The following GRM5 variants were observed in gnomAD, a reference collection of about 807,000 sequenced individuals.
GRM5 encodes metabotropic glutamate receptor 5.
GRM5 carries 19 observed loss-of-function variants against 83.1 expected under a neutral mutation model. That is an observed-to-expected ratio of 0.23 (90% CI 0.16 to 0.34). GRM5 has a LOEUF of 0.34. GRM5 is among the 10% of genes least tolerant of loss of function. GRM5 has a pLI of 1.00. For missense variants in GRM5, 1,160 were observed against 1,588.3 expected, an observed-to-expected ratio of 0.73 and a Z score of 4.58; for synonymous variants, 675 against 633.6, an observed-to-expected ratio of 1.07 and a Z score of -0.98.
chr11:88,924,161 T>C (rs657318), intron 2 of GRM5, among the ~76,000 whole-genome samples: 1 of 151,198 alleles, frequency 6.6e-6, no homozygotes. Context: ...AAATAATCAT[T>C]GTTAGCCAGG....
chr11:88,794,418 G>C (rs899607412), intron 3 of GRM5, among the ~76,000 whole-genome samples: 7 of 152,158 alleles, frequency 4.6e-5, no homozygotes, highest in African/African-American at 1.7e-4. Context: ...GCAGATCTGT[G>C]AGAGTGTAGT....
chr11:88,545,339 T>G (rs112657925), intron 8 of GRM5, among the ~76,000 whole-genome samples: 2 of 152,166 alleles, frequency 1.3e-5, no homozygotes, highest in Non-Finnish European at 2.9e-5. Flanking sequence ...TTAGAAATTT[T>G]AAATTTAATA....
chr11:88,608,453 A>G (rs1938220429), intron 4 of GRM5, among the ~76,000 whole-genome samples: 1 of 150,792 alleles, frequency 6.6e-6, no homozygotes, highest in South Asian at 2.1e-4. Context: ...TTATCTTATT[A>G]TCTTGCTTAT....
chr11:88,709,104 T>TC lies in GRM5; in HGVS notation c.912-55702dup, dbSNP rs1480896788. On this transcript the variant is annotated intron_variant, in intron 3 of 9. Coordinates refer to ENST00000305447, the MANE Select transcript of GRM5 (RefSeq NM_001143831.3). ...TGGTAAGTACTATTTTGGAGAGAAG[T>TC]CCCTGGACTTCTGGTGCTCTTGGCA... Among the ~76,000 whole-genome samples the TC allele has an allele frequency of 2.6e-5, 4 of 152,092 alleles. No homozygotes were observed. The East Asian group carries it at 7.8e-4, about 30-fold the overall frequency.
chr11:88,699,905 T>C (rs1240251080), intron 3 of GRM5, among the ~76,000 whole-genome samples: 3 of 152,158 alleles, frequency 2.0e-5, no homozygotes. Context: ...AATGAGCAAG[T>C]TCTGTGTATG....
At chr11:89,062,863 G>A (rs116815184) in intron 1 of GRM5, among the ~76,000 whole-genome samples, 4,571 of 152,314 alleles carry the variant, frequency 0.03, 220 homozygotes, top group African/African-American at 0.1. Flanking sequence ...CTGTAGCCTG[G>A]GCTTCCTCCT....
intron 4 of GRM5, among the ~76,000 whole-genome samples, chr11:88,644,068 A>C (rs1939373482): frequency 6.6e-6 from 1 of 152,204 alleles, no homozygotes; most frequent in African/African-American, 2.4e-5. Flanking sequence ...CATTCTACAA[A>C]TATTATTTGT....
At chr11:89,019,807 C>T (rs1184423704) in intron 2 of GRM5, among the ~76,000 whole-genome samples, 8 of 152,164 alleles carry the variant, frequency 5.3e-5, no homozygotes. Context: ...AAAGTTTCTG[C>T]TATAAAACAG....
chr11:88,928,907 T>TATATATATACACAC (rs369951090), intron 2 of GRM5, among the ~76,000 whole-genome samples: 447 of 138,756 alleles, frequency 3.2e-3, no homozygotes, highest in African/African-American at 7.6e-3. Flanking sequence ...TATGTGTATA[T>TATATATATACACAC]ACACACACAC....
intron 3 of GRM5, among the ~76,000 whole-genome samples, chr11:88,830,120 T>TA (rs1316380657): frequency 6.6e-6 from 1 of 150,758 alleles, no homozygotes; most frequent in Non-Finnish European, 1.5e-5. Flanking sequence ...AATGGAAAAA[T>TA]AAAAAATATA....
chr11:88,610,932 A>T (rs1193084592), intron 4 of GRM5, among the ~76,000 whole-genome samples: 1 of 152,016 alleles, frequency 6.6e-6, no homozygotes, highest in African/African-American at 2.4e-5. Context: ...ACATGAAGGG[A>T]TATTGAATTT....
intron 9 of GRM5, among the ~76,000 whole-genome samples, chr11:88,510,549 T>C (rs148353503): frequency 6.6e-6 from 1 of 152,238 alleles, no homozygotes; most frequent in East Asian, 1.9e-4. Context: ...GGAGTTTTGC[T>C]CTTGTTGCCC....
chr11:88,762,741 A>G (rs949992645), intron 3 of GRM5, among the ~76,000 whole-genome samples: 5 of 151,576 alleles, frequency 3.3e-5, no homozygotes, highest in Admixed American at 2.6e-4. Flanking sequence ...TAAGTTATTC[A>G]TAATAGTAAA....
intron 2 of GRM5, among the ~76,000 whole-genome samples, chr11:89,029,737 T>C (rs1452744103): frequency 6.6e-6 from 1 of 152,190 alleles, no homozygotes; most frequent in Non-Finnish European, 1.5e-5. Context: ...AAACTTTTTA[T>C]TTCCTAAATG....
At chr11:88,677,731 T>C (rs1006249628) in intron 3 of GRM5, among the ~76,000 whole-genome samples, 1 of 152,190 alleles carries the variant, frequency 6.6e-6, no homozygotes, top group Non-Finnish European at 1.5e-5. Context: ...TAAGGAGGTG[T>C]TAAATTGAGA....
chr11:88,608,588 G>A (rs1436590721), intron 4 of GRM5, among the ~76,000 whole-genome samples: 1 of 136,430 alleles, frequency 7.3e-6, no homozygotes, highest in Non-Finnish European at 1.5e-5. Context: ...GCGCGATATT[G>A]GCTCACTGCA....
chr11:88,879,153 A>G (rs1944908302), intron 2 of GRM5, among the ~76,000 whole-genome samples: 1 of 152,142 alleles, frequency 6.6e-6, no homozygotes, highest in Non-Finnish European at 1.5e-5. Context: ...AATTTTGTAT[A>G]AATATTTAAC....
At chr11:88,644,236 G>A (rs10831221) in intron 4 of GRM5, among the ~76,000 whole-genome samples, 104,127 of 151,654 alleles carry the variant, frequency 0.69, 41,548 homozygotes, top group Non-Finnish European at 0.9. Flanking sequence ...AGTTATATGA[G>A]GATTTTAGAC....
At chr11:88,923,401 C>T (rs1004286462) in intron 2 of GRM5, among the ~76,000 whole-genome samples, 4 of 152,048 alleles carry the variant, frequency 2.6e-5, no homozygotes, top group Non-Finnish European at 5.9e-5. Context: ...TGTTCAACAG[C>T]GTGGATGGAA....
Sources: gnomAD v4.1 joint callset for allele counts (sites outside exome capture counted in the v4.1 genomes callset) on GRCh38, gnomAD v4.1.1 for gene constraint, MANE v1.5 for transcripts, NCBI Gene and HGNC (gene_info 2026-07-23, HGNC 2026-07-21) for gene names.